Variants in UNCX observed in about 807,000 individuals in gnomAD.
The protein encoded by UNCX is UNC homeobox, also known as homeobox protein unc-4 homolog.
Under a neutral mutation model 14.8 loss-of-function variants are expected in UNCX, and 4 were observed. The ratio of observed to expected loss-of-function variants is 0.27; its 90% CI spans 0.13 to 0.62. UNCX has a LOEUF of 0.62. Ranked by LOEUF, UNCX falls within the 20% of genes least tolerant of loss-of-function variation. The probability of loss-of-function intolerance (pLI) is 0.86; values close to 1 mark genes in which losing one functional copy is unlikely to be tolerated. For synonymous variants in UNCX, 459 were observed against 395.8 expected, an observed-to-expected ratio of 1.16 and a Z score of -1.90; for missense variants, 749 against 786.8, an observed-to-expected ratio of 0.95 and a Z score of 0.58.
In UNCX at chr7:1,233,855, C is replaced by T. The variant is rs567738438; in HGVS notation, c.450+160C>T. Among the ~76,000 whole-genome samples the T allele has an allele frequency of 2.6e-5, 4 of 152,346 alleles. No homozygotes were observed. The East Asian group carries it at 7.7e-4, about 29-fold the overall frequency. On this transcript the variant is annotated intron_variant, in intron 2 of 2. Coordinates refer to ENST00000316333, the MANE Select transcript of UNCX (RefSeq NM_001080461.3). The surrounding 1 kb of genome is among the most constrained non-coding windows in gnomAD (Gnocchi z 5.3). Reference sequence around the variant, plus strand: ...GTGGAGGGGTGGGGGTTCTGGGGCTCGGCCCCTCACGGACAGCGGGGTGGG... The same window carrying T: ...GTGGAGGGGTGGGGGTTCTGGGGCTTGGCCCCTCACGGACAGCGGGGTGGG...
rs1429107724 is a variant in UNCX, at chr7:1,232,877, G to A, written c.-141G>A. ...GGAGCTTGATGTTGATAAGTAAAGC[G>A]CCGGAGTGCGGGCGAAGCATGTGTG... On this transcript the variant is annotated 5_prime_UTR_variant, in exon 1 of 3. Coordinates refer to ENST00000316333, the MANE Select transcript of UNCX (RefSeq NM_001080461.3). The A allele has an allele frequency of 1.1e-5, 3 of 279,892 alleles. No homozygotes were observed. The highest frequency in any genetic ancestry group is 2.4e-4 in the South Asian group (2 of 8,252). 17.3% of individuals were successfully genotyped at this position (279,892 alleles called of 1,614,324 possible).
rs1240732899 is a variant in UNCX, at chr7:1,236,524, C to T, written c.1143C>T (p.Tyr381=). Residue 381 remains tyrosine (Y), a synonymous_variant, in exon 3 of 3, where the codon TAC becomes TAT. Transcript: ENST00000316333. This position sits in a 1 kb window ranked among gnomAD's most constrained non-coding sequence, Gnocchi z 6.9. ...TCGGCAAGGGCCACTTCCTCCTCTA[C>T]CCCATCACGCAGCCGCTCGGCTTCC... ...TLIGKGHFLL[Y]PITQPLGFLV... is the part of the protein sequence containing the mutation. 6 of 1,401,904 alleles carry T rather than the reference C, an allele frequency of 4.3e-6. No individual in the cohort carries two copies. The highest frequency in any genetic ancestry group is 5.6e-6 in the Non-Finnish European group (6 of 1,071,224). 86.8% of individuals were successfully genotyped at this position (1,401,904 alleles called of 1,614,324 possible). A position where few individuals can be genotyped will look rare whatever the true frequency, so the allele number is the denominator to read the frequency against.
rs902843530 is a variant in UNCX, at chr7:1,233,418, C to CG, written c.275-102_275-101insG. On this transcript the variant is annotated intron_variant, in intron 1 of 2. Transcript: ENST00000316333. The surrounding 1 kb of genome is among the most constrained non-coding windows in gnomAD (Gnocchi z 5.3). Reference sequence around the variant, plus strand: ...GCTCCTAGGCGGCCGTCTCTGCGCCCCCCCCCCCGGATCCAGGCGGCCAGC... The same window carrying CG: ...GCTCCTAGGCGGCCGTCTCTGCGCCCGCCCCCCCCGGATCCAGGCGGCCAGC... 4.1e-5 allele frequency: 57 copies of CG among 1,373,752 alleles called. No individual in the cohort carries two copies. The highest frequency in any genetic ancestry group is 3.3e-4 in the African/African-American group (21 of 64,540). The allele number at this position is 1,373,752 out of a possible 1,614,324, so 85.1% of individuals were successfully genotyped here. A position where few individuals can be genotyped will look rare whatever the true frequency, so the allele number is the denominator to read the frequency against.
rs1778670787 is a variant in UNCX, at chr7:1,233,035, C to T, written c.18C>T (p.Leu6=). ...CGCGCGAGATGATGGACGGCCGCCT[C>T]CTGGAACACCCGCATGCCCAGTTCG... MMDGR[L]LEHPHAQFGG... The change falls in exon 1 of 3, where the codon CTC becomes CTT. Residue 6 remains leucine (L), a synonymous_variant. Transcript: ENST00000316333. This position sits in a 1 kb window ranked among gnomAD's most constrained non-coding sequence, Gnocchi z 5.3. 7.6e-7 allele frequency: 1 copy of T among 1,317,196 alleles called. No homozygotes were observed. The highest frequency in any genetic ancestry group is 3.3e-5 in the Admixed American group (1 of 30,154). 81.6% of individuals were successfully genotyped at this position (1,317,196 alleles called of 1,614,324 possible).
rs1041444392 is a variant in UNCX, at chr7:1,233,417, C to G, written c.275-103C>G. 2.2e-5 allele frequency: 29 copies of G among 1,301,174 alleles called. 1 individual carries two copies. In the African/African-American group the frequency reaches 4.4e-4, roughly 20 times the overall value. The allele number at this position is 1,301,174 out of a possible 1,614,324, so 80.6% of individuals were successfully genotyped here. On this transcript the variant is annotated intron_variant, in intron 1 of 2. Transcript: ENST00000316333. The surrounding 1 kb of genome is among the most constrained non-coding windows in gnomAD (Gnocchi z 5.3). ...GGCTCCTAGGCGGCCGTCTCTGCGC[C>G]CCCCCCCCCGGATCCAGGCGGCCAG...
Position 1,236,224 on chromosome 7 carries a change from C to T in UNCX, c.843C>T (p.Cys281=), listed in dbSNP as rs1380379762. The T allele has an allele frequency of 4.4e-6, 6 of 1,353,022 alleles. No homozygotes were observed. Among genetic ancestry groups the T allele is most frequent in the Non-Finnish European group, 4.8e-6 (5 of 1,042,688 alleles). The allele number at this position is 1,353,022 out of a possible 1,614,324, so 83.8% of individuals were successfully genotyped here. ...GCGAGCCGCCTGCACCCGGCACCTG[C>T]GACCCCGCCTTCTACCCGAGCCAAA... ...PPGEPPAPGT[C]DPAFYPSQRS... The change falls in exon 3 of 3, where the codon TGC becomes TGT. Residue 281 remains cysteine (C), a synonymous_variant. Transcript: ENST00000316333. The surrounding 1 kb of genome is among the most constrained non-coding windows in gnomAD (Gnocchi z 6.9).
chr7:1,234,374 G>C (rs1394218401), intron 2 of UNCX, among the ~76,000 whole-genome samples: 1 of 152,122 alleles, frequency 6.6e-6, no homozygotes, highest in Admixed American at 6.5e-5. Flanking sequence ...TGATGGTATT[G>C]TTTTAAAAAT....
In UNCX at chr7:1,233,418, C is replaced by CT; in HGVS notation, c.275-102_275-101insT. On this transcript the variant is annotated intron_variant, in intron 1 of 2. Transcript: ENST00000316333. The surrounding 1 kb of genome is among the most constrained non-coding windows in gnomAD (Gnocchi z 5.3). Reference sequence around the variant, plus strand: ...GCTCCTAGGCGGCCGTCTCTGCGCCCCCCCCCCCGGATCCAGGCGGCCAGC... The same window carrying CT: ...GCTCCTAGGCGGCCGTCTCTGCGCCCTCCCCCCCCGGATCCAGGCGGCCAGC... The CT allele has an allele frequency of 7.3e-7, 1 of 1,373,828 alleles. No homozygotes were observed. Among genetic ancestry groups the CT allele is most frequent in the Non-Finnish European group, 9.4e-7 (1 of 1,066,282 alleles). 85.1% of individuals were successfully genotyped at this position (1,373,828 alleles called of 1,614,324 possible). A position where few individuals can be genotyped will look rare whatever the true frequency, so the allele number is the denominator to read the frequency against.
chr7:1,236,803 G>A lies in UNCX; in HGVS notation c.1422G>A (p.Gly474=). ...ASAAATEGGG[G]DCADAGTAGP... The stretch of plus-strand genomic sequence containing the variant: ...CAGCGGCTACCGAGGGCGGCGGCGG[G>A]GACTGCGCGGACGCGGGGACCGCCG... Residue 474 remains glycine, a synonymous_variant, in exon 3 of 3, where the codon GGG becomes GGA. Transcript: ENST00000316333. The surrounding 1 kb of genome is among the most constrained non-coding windows in gnomAD (Gnocchi z 6.9). The A allele has an allele frequency of 3.0e-6, 3 of 987,144 alleles. No individual in the cohort carries two copies. Among genetic ancestry groups the A allele is most frequent in the Non-Finnish European group, 3.6e-6 (3 of 832,682 alleles). 61.1% of individuals were successfully genotyped at this position (987,144 alleles called of 1,614,324 possible).
At position 1,236,563 on chromosome 7, in the gene UNCX, C is replaced by G; in HGVS notation, c.1182C>G (p.Ala394=). The change falls in exon 3 of 3, where the codon GCC becomes GCG. Residue 394 remains alanine, a synonymous_variant. Transcript: ENST00000316333. This position sits in a 1 kb window ranked among gnomAD's most constrained non-coding sequence, Gnocchi z 6.9. The stretch of plus-strand genomic sequence containing the variant: ...CGCTCGGCTTCCTGGTGCCGCAGGC[C>G]GCGCTCAAGGGCGGCGCGGGCCTGG... ...TQPLGFLVPQ[A]ALKGGAGLEP... The G allele has an allele frequency of 1.5e-6, 2 of 1,353,810 alleles. No homozygotes were observed. The highest frequency in any genetic ancestry group is 1.5e-5 in the African/African-American group (1 of 64,984). The allele number at this position is 1,353,810 out of a possible 1,614,324, so 83.9% of individuals were successfully genotyped here. A position where few individuals can be genotyped will look rare whatever the true frequency, so the allele number is the denominator to read the frequency against.
At chr7:1,234,428 C>A (rs191095046) in intron 2 of UNCX, among the ~76,000 whole-genome samples, 1 of 151,986 alleles carries the variant, frequency 6.6e-6, no homozygotes, top group African/African-American at 2.4e-5. Context: ...ATGATTTGTG[C>A]ATAATTAAAT....
chr7:1,236,761 C>G lies in UNCX; in HGVS notation c.1380C>G (p.Phe460Leu). 1 of 988,558 alleles carries G rather than the reference C, an allele frequency of 1.0e-6. No homozygotes were observed. Among genetic ancestry groups the G allele is most frequent in the Non-Finnish European group, 1.2e-6 (1 of 833,552 alleles). The allele number at this position is 988,558 out of a possible 1,614,324, so 61.2% of individuals were successfully genotyped here. A position where few individuals can be genotyped will look rare whatever the true frequency, so the allele number is the denominator to read the frequency against. The change falls in exon 3 of 3, where the codon TTC becomes TTG. Residue 460 changes from phenylalanine to leucine, a missense_variant. Transcript: ENST00000316333. The surrounding 1 kb of genome is among the most constrained non-coding windows in gnomAD (Gnocchi z 6.9). ...PGAPAPAPAP[F>L]RDLASAAATE... ...CCCCAGCCCCGGCCCCGGCGCCTTT[C>G]CGGGACCTCGCCTCGGCAGCGGCTA...
In UNCX at chr7:1,236,020, G is replaced by A; in HGVS notation, c.639G>A (p.Lys213=). 6 of 1,606,328 alleles carry A rather than the reference G, an allele frequency of 3.7e-6. No homozygotes were observed. The highest frequency in any genetic ancestry group is 5.1e-6 in the Non-Finnish European group (6 of 1,177,524). ...GCAAGCACGAGAAGAAGCTGCTGAAGAGCCAGGGCCGCCACTTGCACTCGC... is the reference window on the plus strand; with the variant it reads ...GCAAGCACGAGAAGAAGCTGCTGAAAAGCCAGGGCCGCCACTTGCACTCGC... The part of the protein sequence containing the change: ...KKRKHEKKLL[K]SQGRHLHSPG... The change falls in exon 3 of 3, where the codon AAG becomes AAA. Residue 213 remains lysine (K), a synonymous_variant. Transcript: ENST00000316333. This position sits in a 1 kb window ranked among gnomAD's most constrained non-coding sequence, Gnocchi z 6.9.
Position 1,237,153 on chromosome 7 carries a change from C to T in UNCX, c.*176C>T, listed in dbSNP as rs1397480368. 6 of 517,714 alleles carry T rather than the reference C, an allele frequency of 1.2e-5. No individual in the cohort carries two copies. The East Asian group carries it at 4.8e-4, about 42-fold the overall frequency. 32.1% of individuals were successfully genotyped at this position (517,714 alleles called of 1,614,324 possible). A position where few individuals can be genotyped will look rare whatever the true frequency, so the allele number is the denominator to read the frequency against. The stretch of plus-strand genomic sequence containing the variant: ...ACGAAAGTGCTGTATGAATTCGGAC[C>T]CAGGCAGCAACCACAGGACTGGGGG... On this transcript the variant is annotated 3_prime_UTR_variant, in exon 3 of 3. Coordinates refer to ENST00000316333, the MANE Select transcript of UNCX (RefSeq NM_001080461.3). This position sits in a 1 kb window ranked among gnomAD's most constrained non-coding sequence, Gnocchi z 5.8.
In UNCX at chr7:1,233,315, G is replaced by C; in HGVS notation, c.274+24G>C. 2 of 1,321,300 alleles carry C rather than the reference G, an allele frequency of 1.5e-6. No homozygotes were observed. Among genetic ancestry groups the C allele is most frequent in the Non-Finnish European group, 1.9e-6 (2 of 1,042,282 alleles). 81.8% of individuals were successfully genotyped at this position (1,321,300 alleles called of 1,614,324 possible). On this transcript the variant is annotated intron_variant, in intron 1 of 2. Coordinates refer to ENST00000316333, the MANE Select transcript of UNCX (RefSeq NM_001080461.3). This position sits in a 1 kb window ranked among gnomAD's most constrained non-coding sequence, Gnocchi z 5.3. ...AGGTAGGCGCGGCGGGCGGGAGGGC[G>C]GGGAGGAGTGCGGCTGGGGGCGGGG...
Position 1,233,551 on chromosome 7 carries a change from C to A in UNCX, c.306C>A (p.Gly102=), listed in dbSNP as rs758916029. 8 of 1,612,706 alleles carry A rather than the reference C, an allele frequency of 5.0e-6. No individual in the cohort carries two copies. The highest frequency in any genetic ancestry group is 6.8e-6 in the Non-Finnish European group (8 of 1,179,798). ...GGGACCCGGACAAGGAGAGCCCGGG[C>A]TGCAAGCGGCGGCGCACCCGCACCA... is the stretch of plus-strand genomic sequence containing the variant. ...DSGDPDKESP[G]CKRRRTRTNF... is the part of the protein sequence containing the mutation. Residue 102 remains glycine, a synonymous_variant, in exon 2 of 3, where the codon GGC becomes GGA. Transcript: ENST00000316333. The surrounding 1 kb of genome is among the most constrained non-coding windows in gnomAD (Gnocchi z 5.3).
chr7:1,235,827 T>C lies in UNCX; in HGVS notation c.451-5T>C. 1.2e-6 allele frequency: 2 copies of C among 1,609,224 alleles called. No homozygotes were observed. Among genetic ancestry groups the C allele is most frequent in the Non-Finnish European group, 1.7e-6 (2 of 1,178,886 alleles). On this transcript the variant is annotated splice_region_variant and splice_polypyrimidine_tract_variant and intron_variant, in intron 2 of 2. Transcript: ENST00000316333. ...GGCTTCCTCTCCCCTATCCGGCTGC[T>C]CTAGGTCTGGTTCCAAAACCGCCGG...
Position 1,235,967 on chromosome 7 carries a change from G to A in UNCX, c.586G>A (p.Glu196Lys), listed in dbSNP as rs768415125. ...PMDPEEIARKELEKMEKKKRK... is the reference protein window; with the variant it reads ...PMDPEEIARKKLEKMEKKKRK... ...GGACCCGGAGGAGATCGCGCGCAAG[G>A]AGCTGGAGAAGATGGAGAAGAAGAA... Residue 196 changes from glutamate (E) to lysine (K), a missense_variant, in exon 3 of 3, where the codon GAG (glutamate) becomes AAG (lysine). This residue lies in a region of UNCX where 552 missense variants were observed against 507.2 expected (regional missense o/e 1.09). Coordinates refer to ENST00000316333, the MANE Select transcript of UNCX (RefSeq NM_001080461.3). The A allele has an allele frequency of 6.2e-7, 1 of 1,611,976 alleles. No homozygotes were observed. The highest frequency in any genetic ancestry group is 2.2e-5 in the East Asian group (1 of 44,834).
In UNCX at chr7:1,236,533, G is replaced by T. The variant is rs763983877; in HGVS notation, c.1152G>T (p.Thr384=). ...GKGHFLLYPI[T]QPLGFLVPQA... ...GCCACTTCCTCCTCTACCCCATCAC[G>T]CAGCCGCTCGGCTTCCTGGTGCCGC... Residue 384 remains threonine (T), a synonymous_variant, in exon 3 of 3, where the codon ACG becomes ACT. Transcript: ENST00000316333. This position sits in a 1 kb window ranked among gnomAD's most constrained non-coding sequence, Gnocchi z 6.9. The T allele has an allele frequency of 4.3e-6, 6 of 1,389,286 alleles. No homozygotes were observed. In the Admixed American group the frequency reaches 1.2e-4, roughly 27 times the overall value. 86.1% of individuals were successfully genotyped at this position (1,389,286 alleles called of 1,614,324 possible). A position where few individuals can be genotyped will look rare whatever the true frequency, so the allele number is the denominator to read the frequency against.
Sources: gnomAD v4.1 joint callset for allele counts (sites outside exome capture counted in the v4.1 genomes callset) on GRCh38, gnomAD v4.1.1 for gene constraint, gnomAD v4.1.1 regional missense constraint, Gnocchi (gnomAD v3.1) non-coding constraint, MANE v1.5 for transcripts, NCBI Gene and HGNC (gene_info 2026-07-23, HGNC 2026-07-21) for gene names.